Variants in ACACB observed in about 807,000 individuals in gnomAD.
ACACB encodes acetyl-CoA carboxylase 2.
Under a neutral mutation model 278.8 loss-of-function variants are expected in ACACB, and 209 were observed. The observed-to-expected ratio is 0.75, with a 90% CI of 0.67 to 0.84. The LOEUF is 0.84. Among genes scored for constraint, ACACB ranks in the 40% least tolerant of loss-of-function variants. The pLI is 0.00. For missense variants in ACACB, 2,850 were observed against 3,269.0 expected (o/e 0.87, Z 3.13); for synonymous variants, 1,174 against 1,285.6 (o/e 0.91, Z 1.86).
intron 1 of ACACB, among the ~76,000 whole-genome samples, chr12:109,132,960 A>G (rs538580705): frequency 6.6e-6 from 1 of 152,164 alleles, no homozygotes; most frequent in South Asian, 2.1e-4. Flanking sequence ...CCATCCCTCT[A>G]TCACCTGCCG....
intron 16 of ACACB, among the ~76,000 whole-genome samples, chr12:109,194,226 C>T (rs1450274672): frequency 6.6e-6 from 1 of 151,950 alleles, no homozygotes; most frequent in Non-Finnish European, 1.5e-5. Context: ...AACGGAGCCT[C>T]ACTCTGTCAC....
chr12:109,201,287 C>A (rs1029537173), intron 18 of ACACB, among the ~76,000 whole-genome samples: 3 of 152,216 alleles, frequency 2.0e-5, no homozygotes, highest in African/African-American at 7.2e-5. Flanking sequence ...GAAGACTCCC[C>A]CTTTGGAAAT....
At chr12:109,131,601 G>A (rs1198165054) in intron 1 of ACACB, among the ~76,000 whole-genome samples, 2 of 152,146 alleles carry the variant, frequency 1.3e-5, no homozygotes, top group Non-Finnish European at 2.9e-5. Flanking sequence ...CCTGACTCCC[G>A]TCCTTGCCCT....
At chr12:109,207,197 C>T (rs1458753969) in intron 20 of ACACB, among the ~76,000 whole-genome samples, 2 of 152,204 alleles carry the variant, frequency 1.3e-5, no homozygotes, top group African/African-American at 4.8e-5. Flanking sequence ...CTCAAGTGAT[C>T]CATCCGCCTG....
chr12:109,157,826 AG>A (rs976136363), intron 2 of ACACB, among the ~76,000 whole-genome samples: 3 of 152,196 alleles, frequency 2.0e-5, no homozygotes, highest in African/African-American at 7.2e-5. Context: ...CAGAGAGTAG[AG>A]AAATGATTGT....
At chr12:109,210,330 TGTATATACACGC>T in intron 21 of ACACB, among the ~76,000 whole-genome samples, 1 of 103,358 alleles carries the variant, frequency 9.7e-6, no homozygotes, top group African/African-American at 3.4e-5. Context: ...TGTGTATATA[TGTATATACACGC>T]ACACACATAT....
Position 109,260,654 on chromosome 12 carries a change from G to A in ACACB, c.6671G>A (p.Ser2224Asn), listed in dbSNP as rs776795041. 14 of 1,565,970 alleles carry A rather than the reference G, an allele frequency of 8.9e-6. No homozygotes were observed. The highest frequency in any genetic ancestry group is 1.2e-5 in the Non-Finnish European group (14 of 1,156,726). ...LCIEMYADKE[S>N]RGGVLEPEGT... ...ATAGAAATGTATGCAGACAAAGAGAGCAGGTGGGTGTGTTGCCCTTAGCCT... is the reference window on the plus strand; with the variant it reads ...ATAGAAATGTATGCAGACAAAGAGAACAGGTGGGTGTGTTGCCCTTAGCCT... Residue 2224 changes from serine (S) to asparagine (N), a missense_variant, in exon 48 of 53, where the codon AGC becomes AAC. Around this residue, in one of 3 missense-constraint regions of ACACB, gnomAD observed 579 missense variants for 684.6 expected, o/e 0.85. Transcript: ENST00000338432.
intron 18 of ACACB, 107 bp downstream of exon 18, chr12:109,199,659 C>A: frequency 8.7e-7 from 1 of 1,143,582 alleles, no homozygotes; most frequent in Non-Finnish European, 1.1e-6. Context: ...TGACCACTGT[C>A]TGCAAATTTC....
chr12:109,127,326 G>A (rs1370147576), intron 1 of ACACB, among the ~76,000 whole-genome samples: 1 of 151,998 alleles, frequency 6.6e-6, no homozygotes, highest in African/African-American at 2.4e-5. Flanking sequence ...TGCTTATAGT[G>A]GAAGGCATTA....
At chr12:109,190,863 C>T (rs574768734) in intron 13 of ACACB, among the ~76,000 whole-genome samples, 2 of 152,008 alleles carry the variant, frequency 1.3e-5, no homozygotes, top group South Asian at 4.2e-4. Flanking sequence ...ATGCCTCAAG[C>T]AATCCTCCCG....
intron 1 of ACACB, among the ~76,000 whole-genome samples, chr12:109,130,020 G>T (rs2042783163): frequency 6.6e-6 from 1 of 152,190 alleles, no homozygotes; most frequent in African/African-American, 2.4e-5. Context: ...AGGTAGGCGA[G>T]GCTGGGTATT....
At chr12:109,138,150 C>T (rs747334956) in intron 1 of ACACB, among the ~76,000 whole-genome samples, 57 of 152,100 alleles carry the variant, frequency 3.7e-4, no homozygotes, top group Non-Finnish European at 7.1e-4. Context: ...GTGATCTGCC[C>T]GCCTCAGCCT....
chr12:109,248,687 G>A (rs1015096122), intron 40 of ACACB, among the ~76,000 whole-genome samples: 13 of 152,114 alleles, frequency 8.5e-5, no homozygotes, highest in African/African-American at 2.4e-4. Flanking sequence ...TGGATGGTGC[G>A]CACCCACATT....
Position 109,199,442 on chromosome 12 carries a change from AAGG to A in ACACB, c.2671_2673del (p.Glu891del). The A allele has an allele frequency of 6.5e-7, 1 of 1,546,354 alleles. No homozygotes were observed. The highest frequency in any genetic ancestry group is 8.7e-7 in the Non-Finnish European group (1 of 1,145,700). Reference sequence around the variant, plus strand: ...CGGCAATAAGACGTGTGTGTTTGAGAAGGAGAACGATCCTACAGTCCTGAGATC... The same window carrying A: ...CGGCAATAAGACGTGTGTGTTTGAGAAGAACGATCCTACAGTCCTGAGATC... On this transcript the variant is annotated inframe_deletion, in exon 18 of 53. Coordinates refer to ENST00000338432, the MANE Select transcript of ACACB (RefSeq NM_001093.4).
intron 2 of ACACB, among the ~76,000 whole-genome samples, chr12:109,154,261 G>A (rs1008166970): frequency 1.3e-5 from 2 of 152,240 alleles, no homozygotes; most frequent in African/African-American, 4.8e-5. Context: ...GGGTGATTGC[G>A]CAGCCACCTG....
chr12:109,164,501 G>T (rs1323023272), intron 2 of ACACB, among the ~76,000 whole-genome samples: 3 of 152,108 alleles, frequency 2.0e-5, no homozygotes, highest in Non-Finnish European at 4.4e-5. Flanking sequence ...CAAAGTGCTA[G>T]GATTACAGGC....
At chr12:109,243,466 G>T (rs1002814594) in intron 37 of ACACB, among the ~76,000 whole-genome samples, 3 of 152,088 alleles carry the variant, frequency 2.0e-5, no homozygotes, top group Non-Finnish European at 4.4e-5. Flanking sequence ...AGGCGTAGTG[G>T]CAGGCACCTG....
At chr12:109,225,123 G>A (rs2046278455) in intron 27 of ACACB, among the ~76,000 whole-genome samples, 1 of 152,152 alleles carries the variant, frequency 6.6e-6, no homozygotes, top group East Asian at 1.9e-4. Flanking sequence ...TTTCTAACAG[G>A]GAGACCTAAT....
intron 2 of ACACB, among the ~76,000 whole-genome samples, chr12:109,147,297 C>T (rs1426749237): frequency 6.6e-6 from 1 of 151,634 alleles, no homozygotes. Flanking sequence ...GTGGTGTGAT[C>T]TCAGCTCACT....
Sources: allele counts gnomAD v4.1 joint callset (sites outside exome capture counted in the v4.1 genomes callset), GRCh38; gene constraint gnomAD v4.1.1; regional missense constraint gnomAD v4.1.1; transcripts MANE v1.5; gene names NCBI Gene and HGNC (gene_info 2026-07-23, HGNC 2026-07-21).